The following MLIP variants were observed in gnomAD, a reference collection of about 807,000 sequenced individuals.
MLIP encodes the protein muscular LMNA-interacting protein.
A neutral mutation model predicts 84.8 loss-of-function variants in MLIP; 79 were observed. The ratio of observed to expected loss-of-function variants is 0.93; its 90% CI spans 0.78 to 1.12. The LOEUF (loss-of-function observed/expected upper bound fraction) is 1.12, where lower values mean the gene tolerates loss of function less well. Among genes scored for constraint, MLIP ranks in the 50% most tolerant of loss-of-function variants. MLIP has a pLI of 0.00. For synonymous variants in MLIP, 504 were observed against 463.0 expected (o/e 1.09, Z -1.14); for missense variants, 1,257 against 1,160.6 (o/e 1.08, Z -1.21).
chr6:54,027,397 A>T (rs946449355), intron 1 of MLIP, among the ~76,000 whole-genome samples: 3 of 151,496 alleles, frequency 2.0e-5, no homozygotes, highest in African/African-American at 7.3e-5. Context: ...ACACACACAC[A>T]CACACACACA....
upstream of MLIP, among the ~76,000 whole-genome samples, chr6:54,109,936 C>T (rs1325789469): frequency 1.8e-5 from 2 of 113,048 alleles, no homozygotes; most frequent in African/African-American, 6.9e-5. Context: ...TTCCTTCCTT[C>T]CTTCCTTCCT....
rs778431444 is a variant in MLIP at position 54,121,442 on chromosome 6, C to T, written c.97-5C>T. On this transcript the variant is annotated splice_polypyrimidine_tract_variant and splice_region_variant and intron_variant, in intron 1 of 13. Coordinates refer to ENST00000502396, the MANE Select transcript of MLIP (RefSeq NM_001281747.2). ...TGAAAGTCTAATTAACTACATGTCTCATAGGTCTCTGCTGGTGGTTCTGAA... is the reference window on the plus strand; with the variant it reads ...TGAAAGTCTAATTAACTACATGTCTTATAGGTCTCTGCTGGTGGTTCTGAA... 2.5e-5 allele frequency: 40 copies of T among 1,613,752 alleles called. No homozygotes were observed. Among genetic ancestry groups the T allele is most frequent in the Non-Finnish European group, 2.9e-5 (34 of 1,179,924 alleles).
At chr6:54,252,515 A>G (rs1484020717) in intron 12 of MLIP, among the ~76,000 whole-genome samples, 33 of 143,184 alleles carry the variant, frequency 2.3e-4, no homozygotes, top group Non-Finnish European at 4.4e-4. Flanking sequence ...ATATTATAAC[A>G]TATAATATAT....
At chr6:54,184,507 G>T (rs1582430505) in intron 9 of MLIP, among the ~76,000 whole-genome samples, 1 of 152,152 alleles carries the variant, frequency 6.6e-6, no homozygotes, top group Admixed American at 6.5e-5. Flanking sequence ...GATGGATAAG[G>T]AGCTTGGCTG....
intron 1 of MLIP, among the ~76,000 whole-genome samples, chr6:54,032,782 G>A (rs1396154314): frequency 2.0e-5 from 3 of 152,034 alleles, no homozygotes; most frequent in South Asian, 4.1e-4. Context: ...TTCAACTCCT[G>A]GCCTCAAGTG....
chr6:54,099,285 A>T (rs558958767), intron 1 of MLIP, among the ~76,000 whole-genome samples: 1 of 152,314 alleles, frequency 6.6e-6, no homozygotes, highest in African/African-American at 2.4e-5. Context: ...AACTGAAATG[A>T]TACATTATGG....
At chr6:54,220,328 G>A (rs1780138370) in intron 11 of MLIP, among the ~76,000 whole-genome samples, 1 of 152,026 alleles carries the variant, frequency 6.6e-6, no homozygotes, top group Non-Finnish European at 1.5e-5. Context: ...TTTCAGTACT[G>A]TTTAAAGACA....
intron 3 of MLIP, among the ~76,000 whole-genome samples, chr6:54,132,294 T>G (rs1771445066): frequency 6.6e-6 from 1 of 152,170 alleles, no homozygotes; most frequent in African/African-American, 2.4e-5. Context: ...TTTATATCTA[T>G]GTTAGGATCA....
chr6:54,124,730 C>T lies in MLIP; in HGVS notation c.510C>T (p.Val170=). The change falls in exon 3 of 14, where the codon GTC becomes GTT. Residue 170 remains valine, a synonymous_variant. Transcript: ENST00000502396. ...CAGGGGGGATTGGCACCGCAGCTGT[C>T]CGGCCCAAGTCTCTAGCTATCTCGT... ...GPPGGIGTAA[V]RPKSLAISSS... 6.2e-7 allele frequency: 1 copy of T among 1,614,174 alleles called. No homozygotes were observed. Among genetic ancestry groups the T allele is most frequent in the Non-Finnish European group, 8.5e-7 (1 of 1,180,024 alleles).
chr6:54,131,993 G>A (rs532575038), intron 3 of MLIP, among the ~76,000 whole-genome samples: 20 of 152,082 alleles, frequency 1.3e-4, no homozygotes, highest in Non-Finnish European at 2.8e-4. Context: ...ACGTGGTCTT[G>A]TATCTTCCAG....
intron 8 of MLIP, among the ~76,000 whole-genome samples, chr6:54,168,286 A>G (rs1775401725): frequency 6.6e-6 from 1 of 151,694 alleles, no homozygotes; most frequent in Admixed American, 6.6e-5. Context: ...TTCAAATGTC[A>G]CCTTCTCAAC....
chr6:54,083,389 G>A, intron 1 of MLIP: 16 of 1,313,036 alleles, frequency 1.2e-5, no homozygotes, highest in Non-Finnish European at 1.6e-5. Flanking sequence ...GCTATTTCCA[G>A]TCCAGAGTTG....
At chr6:54,145,595 G>A (rs903402788) in intron 4 of MLIP, among the ~76,000 whole-genome samples, 2 of 151,396 alleles carry the variant, frequency 1.3e-5, no homozygotes, top group Admixed American at 1.3e-4. Flanking sequence ...ACCATGGTAA[G>A]AACCCATCTC....
chr6:54,230,995 G>T (rs1780962972), intron 12 of MLIP, 78 bp downstream of exon 12: 1 of 1,176,844 alleles, frequency 8.5e-7, no homozygotes. Flanking sequence ...ACTTAAATGT[G>T]GAGGAAACAT....
At chr6:54,212,557 C>T (rs1260387032) in intron 11 of MLIP, among the ~76,000 whole-genome samples, 2 of 152,174 alleles carry the variant, frequency 1.3e-5, no homozygotes, top group Non-Finnish European at 2.9e-5. Flanking sequence ...GTGTGTGCGC[C>T]TGTGTGTGTG....
At chr6:54,061,677 C>T (rs977637635) in intron 1 of MLIP, among the ~76,000 whole-genome samples, 2 of 152,124 alleles carry the variant, frequency 1.3e-5, no homozygotes, top group Admixed American at 1.3e-4. Flanking sequence ...TGTTGGGATT[C>T]AGAAGTGAAT....
In MLIP at chr6:54,265,967, A is replaced by T. The variant is rs562886904; in HGVS notation, c.*12A>T. The T allele has an allele frequency of 6.2e-7, 1 of 1,612,004 alleles. No homozygotes were observed. Among genetic ancestry groups the T allele is most frequent in the African/African-American group, 1.3e-5 (1 of 74,944 alleles). On this transcript the variant is annotated 3_prime_UTR_variant, in exon 14 of 14. Transcript: ENST00000502396. ...TTTTACAGCAATGAAGTTGGAGCAG[A>T]GGCTGAAAACACAGGCTGCTGAAGT... is the stretch of plus-strand genomic sequence containing the variant.
intron 1 of MLIP, among the ~76,000 whole-genome samples, chr6:54,114,255 T>C (rs981031766): frequency 1.3e-5 from 2 of 152,200 alleles, no homozygotes; most frequent in African/African-American, 4.8e-5. Context: ...GTTTTAAATA[T>C]CATCTATGGG....
intron 5 of MLIP, among the ~76,000 whole-genome samples, chr6:54,159,927 TAC>T (rs1477667833): frequency 6.6e-6 from 1 of 151,970 alleles, no homozygotes; most frequent in East Asian, 1.9e-4. Flanking sequence ...CTTCAAACTA[TAC>T]TACAAGGCCA....
Sources: gnomAD v4.1 joint callset for allele counts (sites outside exome capture counted in the v4.1 genomes callset) on GRCh38, gnomAD v4.1.1 for gene constraint, MANE v1.5 for transcripts, NCBI Gene and HGNC (gene_info 2026-07-23, HGNC 2026-07-21) for gene names.